PCDH15: variants seen among roughly 807,000 people sequenced by gnomAD.
PCDH15 encodes the protein protocadherin-15.
A neutral mutation model predicts 178.5 loss-of-function variants in PCDH15; 129 were observed. That is an observed-to-expected ratio of 0.72 (90% CI 0.63 to 0.84). The LOEUF (loss-of-function observed/expected upper bound fraction) is 0.84, where lower values mean the gene tolerates loss of function less well. PCDH15 is among the 40% of genes least tolerant of loss of function. The pLI, the probability that PCDH15 is intolerant of heterozygous loss-of-function variation, is 0.00. For missense variants in PCDH15, 2,230 were observed against 2,099.9 expected (o/e 1.06, Z -1.21); for synonymous variants, 800 against 732.0 (o/e 1.09, Z -1.50).
At chr10:55,390,903 GA>G (rs1445088760) in intron 2 of PCDH15, among the ~76,000 whole-genome samples, 4 of 152,144 alleles carry the variant, frequency 2.6e-5, no homozygotes, top group African/African-American at 9.7e-5. Flanking sequence ...TTCATTTACA[GA>G]GCACAGGTGT....
chr10:54,349,290 C>T (rs916000325), intron 5 of PCDH15, among the ~76,000 whole-genome samples: 5 of 151,924 alleles, frequency 3.3e-5, no homozygotes, highest in African/African-American at 1.2e-4. Flanking sequence ...ATTGGTCTTG[C>T]GGGGAAGATA....
intron 8 of PCDH15, among the ~76,000 whole-genome samples, chr10:54,251,196 C>T (rs2056443293): frequency 6.6e-6 from 1 of 152,102 alleles, no homozygotes; most frequent in Non-Finnish European, 1.5e-5. Context: ...TTTCTTTATG[C>T]TTTCTTCTTT....
intron 1 of PCDH15, among the ~76,000 whole-genome samples, chr10:54,716,367 T>C (rs1261527798): frequency 6.6e-6 from 1 of 152,086 alleles, no homozygotes; most frequent in East Asian, 1.9e-4. Flanking sequence ...CAATAGAAAA[T>C]GATATTGATT....
At chr10:54,237,148 C>A (rs2054715469) in intron 8 of PCDH15, among the ~76,000 whole-genome samples, 1 of 152,034 alleles carries the variant, frequency 6.6e-6, no homozygotes, top group African/African-American at 2.4e-5. Context: ...TGATTATGCA[C>A]ATAGACATTT....
chr10:54,755,327 A>G (rs1375954016), intron 1 of PCDH15, among the ~76,000 whole-genome samples: 3 of 152,192 alleles, frequency 2.0e-5, no homozygotes, highest in Non-Finnish European at 4.4e-5. Flanking sequence ...AATAATTAAT[A>G]TAATTTGTTC....
At chr10:54,693,931 C>A (rs778945008) in intron 1 of PCDH15, among the ~76,000 whole-genome samples, 1 of 151,844 alleles carries the variant, frequency 6.6e-6, no homozygotes, top group African/African-American at 2.4e-5. Context: ...TTCTTTTTTT[C>A]TCAACGAAGT....
intron 13 of PCDH15, among the ~76,000 whole-genome samples, chr10:54,180,413 A>C (rs1387855850): frequency 6.6e-6 from 1 of 152,214 alleles, no homozygotes; most frequent in Non-Finnish European, 1.5e-5. Context: ...TCAGGCTAAA[A>C]GAGTCTCATG....
intron 3 of PCDH15, among the ~76,000 whole-genome samples, chr10:54,494,726 C>A (rs11004338): frequency 6.6e-6 from 1 of 151,982 alleles, no homozygotes; most frequent in Admixed American, 6.6e-5. Flanking sequence ...TTTAATAGTC[C>A]CTTTCTTCAC....
chr10:54,090,116 C>A, intron 15 of PCDH15, 53 bp from the exon 16 acceptor site: 1 of 1,314,490 alleles, frequency 7.6e-7, no homozygotes, highest in Non-Finnish European at 1.1e-6. Flanking sequence ...GGCGCCCACT[C>A]ATTACAGAGT....
intron 23 of PCDH15, among the ~76,000 whole-genome samples, chr10:53,948,359 TTC>T (rs1484171109): frequency 1.3e-5 from 2 of 152,254 alleles, no homozygotes; most frequent in South Asian, 2.1e-4. Flanking sequence ...GTAATCAGAA[TTC>T]TGTTTTGAAT....
intron 2 of PCDH15, among the ~76,000 whole-genome samples, chr10:55,081,779 A>C (rs1391213827): frequency 1.3e-5 from 2 of 152,178 alleles, no homozygotes; most frequent in Non-Finnish European, 2.9e-5. Flanking sequence ...TGTCATTTAT[A>C]AGCTACTTAA....
chr10:55,107,335 T>C (rs1390725599), intron 2 of PCDH15, among the ~76,000 whole-genome samples: 1 of 152,158 alleles, frequency 6.6e-6, no homozygotes, highest in Non-Finnish European at 1.5e-5. Flanking sequence ...GGATGAGATA[T>C]GGAAATGTTA....
intron 2 of PCDH15, among the ~76,000 whole-genome samples, chr10:55,440,066 C>T (rs552046317): frequency 8.6e-5 from 13 of 152,044 alleles, no homozygotes; most frequent in East Asian, 5.8e-4. Context: ...GAAAACTTGA[C>T]GCTGTTATAT....
chr10:55,394,134 A>AT (rs563960974), intron 2 of PCDH15, among the ~76,000 whole-genome samples: 37 of 152,160 alleles, frequency 2.4e-4, no homozygotes, highest in African/African-American at 8.9e-4. Flanking sequence ...TTGTTAGCGC[A>AT]TATCACCAAC....
intron 27 of PCDH15, among the ~76,000 whole-genome samples, chr10:53,858,423 A>T (rs1331712371): frequency 2.0e-5 from 3 of 152,140 alleles, no homozygotes; most frequent in Non-Finnish European, 4.4e-5. Flanking sequence ...GTAAGTAACA[A>T]ATCCAAGAGC....
chr10:54,847,802 T>C (rs1056540855), intron 3 of PCDH15, among the ~76,000 whole-genome samples: 1 of 152,210 alleles, frequency 6.6e-6, no homozygotes, highest in African/African-American at 2.4e-5. Flanking sequence ...AATTCACTAG[T>C]ATTTTTCTCC....
intron 2 of PCDH15, among the ~76,000 whole-genome samples, chr10:55,536,592 G>A (rs1179437269): frequency 3.9e-5 from 6 of 151,990 alleles, no homozygotes; most frequent in Admixed American, 3.9e-4. Flanking sequence ...CAAGCATTTG[G>A]AAAAAAGCAC....
rs771178438 is a variant in PCDH15, at chr10:53,806,760, T to A, written c.5042A>T (p.Asp1681Val). The change falls in exon 38 of 38, where the codon GAC becomes GTC. Residue 1681 changes from aspartate to valine, a missense_variant. By Grantham distance (152) the Asp-to-Val change is radical. Transcript: ENST00000644397. ...VTFAPCPVGTDNTAVKPLRNR... is the reference protein window; with the variant it reads ...VTFAPCPVGTVNTAVKPLRNR... ...CCTTAGTGGCTTCACCGCTGTATTG[T>A]CAGTCCCCACAGGGCAAGGGGCAAA... 6.2e-7 allele frequency: 1 copy of A among 1,613,878 alleles called. No homozygotes were observed. The highest frequency in any genetic ancestry group is 8.5e-7 in the Non-Finnish European group (1 of 1,179,832).
At chr10:54,823,613 C>T (rs1224447618) in intron 3 of PCDH15, among the ~76,000 whole-genome samples, 1 of 151,938 alleles carries the variant, frequency 6.6e-6, no homozygotes, top group Non-Finnish European at 1.5e-5. Context: ...TCCTCTGATC[C>T]TAAAGTCAGA....
Sources: gnomAD v4.1 joint callset for allele counts (sites outside exome capture counted in the v4.1 genomes callset) on GRCh38, gnomAD v4.1.1 for gene constraint, MANE v1.5 for transcripts, NCBI Gene and HGNC (gene_info 2026-07-23, HGNC 2026-07-21) for gene names.